Variants in ZKSCAN8 observed in about 807,000 individuals in gnomAD.
ZKSCAN8 encodes the protein zinc finger with KRAB and SCAN domains 8.
In ZKSCAN8, 27 loss-of-function variants were observed where a neutral mutation model predicts 57.2. That is an observed-to-expected ratio of 0.47 (90% CI 0.35 to 0.65). The LOEUF is 0.65. Ranked by LOEUF, ZKSCAN8 falls within the 30% of genes least tolerant of loss-of-function variation. The pLI is 0.01. For missense variants in ZKSCAN8, 597 were observed against 696.3 expected (o/e 0.86, Z 1.60); for synonymous variants, 214 against 248.7 (o/e 0.86, Z 1.31).
At position 28,149,468 on chromosome 6, in the gene ZKSCAN8, G is replaced by C. The variant is rs1194233355; in HGVS notation, c.418-15G>C. On this transcript the variant is annotated splice_polypyrimidine_tract_variant and intron_variant, in intron 2 of 5. Transcript: ENST00000330236. ...CAAAGGGATTCCTTATTATCCAACT[G>C]TCTGTTGTTTCCAGGTCTCAGCTCG... 1 of 1,613,028 alleles carries C rather than the reference G, an allele frequency of 6.2e-7. No homozygotes were observed. The highest frequency in any genetic ancestry group is 8.5e-7 in the Non-Finnish European group (1 of 1,179,640).
intron 1 of ZKSCAN8, among the ~76,000 whole-genome samples, chr6:28,145,633 G>A (rs1765369551): frequency 6.6e-6 from 1 of 152,148 alleles, no homozygotes; most frequent in Non-Finnish European, 1.5e-5. Context: ...AGTGTCGCCA[G>A]ACCCATGCTC....
chr6:28,149,515 C>G lies in ZKSCAN8; in HGVS notation c.450C>G (p.Leu150=), dbSNP rs1277732753. Residue 150 remains leucine, a synonymous_variant, in exon 3 of 6, where the codon CTC becomes CTG. Coordinates refer to ENST00000330236, the MANE Select transcript of ZKSCAN8 (RefSeq NM_006298.4). ...CTCGCGTACATGGACATAGGGTACT[C>G]TGGGAGGAGGTAGTACATTCAGCAT... The part of the protein sequence containing the change: ...VSARVHGHRV[L]WEEVVHSASA... 4 of 1,614,098 alleles carry G rather than the reference C, an allele frequency of 2.5e-6. No homozygotes were observed. The South Asian group carries it at 3.3e-5, about 13-fold the overall frequency.
In ZKSCAN8 at chr6:28,148,627, G is replaced by A. The variant is rs771696693; in HGVS notation, c.220G>A (p.Ala74Thr). The A allele has an allele frequency of 1.5e-5, 25 of 1,613,988 alleles. No homozygotes were observed. The highest frequency in any genetic ancestry group is 2.0e-5 in the Non-Finnish European group (24 of 1,180,018). Reference protein sequence around the residue: ...GPREALIQLRALCHQWLRPDL... With the variant: ...GPREALIQLRTLCHQWLRPDL... ...CCGAGAAGCTCTGATCCAACTACGG[G>A]CCCTTTGCCATCAGTGGCTGAGGCC... Residue 74 changes from alanine (A) to threonine (T), a missense_variant, in exon 2 of 6, where the codon GCC (alanine) becomes ACC (threonine). By Grantham distance (58) the Ala-to-Thr change is moderately conservative. Coordinates refer to ENST00000330236, the MANE Select transcript of ZKSCAN8 (RefSeq NM_006298.4).
chr6:28,153,575 G>C lies in ZKSCAN8; in HGVS notation c.1295G>C (p.Arg432Thr). The C allele has an allele frequency of 6.2e-7, 1 of 1,613,744 alleles. No homozygotes were observed. Among genetic ancestry groups the C allele is most frequent in the Non-Finnish European group, 8.5e-7 (1 of 1,179,954 alleles). The change falls in exon 6 of 6, where the codon AGA becomes ACA. Residue 432 changes from arginine to threonine, a missense_variant. By Grantham distance (71) the Arg-to-Thr change is moderately conservative (BLOSUM62 -1). Coordinates refer to ENST00000330236, the MANE Select transcript of ZKSCAN8 (RefSeq NM_006298.4). ...ILHQRIHSGE[R>T]PYECNECGKA... ...CACCAGAGAATCCACAGTGGAGAGA[G>C]ACCCTATGAATGTAATGAGTGTGGG... is the stretch of plus-strand genomic sequence containing the variant.
Position 28,153,242 on chromosome 6 carries a change from G to A in ZKSCAN8, c.962G>A (p.Arg321Gln), listed in dbSNP as rs777066140. The A allele has an allele frequency of 6.2e-6, 10 of 1,614,190 alleles. No homozygotes were observed. The highest frequency in any genetic ancestry group is 2.2e-5 in the East Asian group (1 of 44,888). ...CGGGGAAATCCCACACAAGAGAGAC[G>A]ACATAAATGTGATGAATGTGGGAAA... ...RQRGNPTQER[R>Q]HKCDECGKSF... The change falls in exon 6 of 6, where the codon CGA becomes CAA. Residue 321 changes from arginine (R) to glutamine (Q), a missense_variant. Transcript: ENST00000330236.
At position 28,158,610 on chromosome 6, in the gene ZKSCAN8, TTTTAA is replaced by T. The variant is rs1360578303; in HGVS notation, c.*4595_*4599del. On this transcript the variant is annotated 3_prime_UTR_variant, in exon 6 of 6. Coordinates refer to ENST00000330236, the MANE Select transcript of ZKSCAN8 (RefSeq NM_006298.4). ...TCCAAAAACTTGCTGTCAGTCCAGT[TTTTAA>T]TCAGTTTTCTCCTTGAGGCTTGATC... 3.3e-5 allele frequency: 5 copies of T among 152,178 alleles called. No homozygotes were observed. The highest frequency in any genetic ancestry group is 1.5e-5 in the Non-Finnish European group (1 of 68,040). 9.4% of individuals were successfully genotyped at this position (152,178 alleles called of 1,614,324 possible).
At chr6:28,148,919 A>T (rs757815050) in intron 2 of ZKSCAN8, 95 bp downstream of exon 2, 648 of 1,390,144 alleles carry the variant, frequency 4.7e-4, no homozygotes, top group Non-Finnish European at 6.1e-4. Context: ...GATGCTTAGC[A>T]TCAGTTTCTG....
At chr6:28,152,123 TC>T in intron 4 of ZKSCAN8, 137 bp from the exon 5 acceptor site, 1 of 1,411,262 alleles carries the variant, frequency 7.1e-7, no homozygotes, top group Non-Finnish European at 9.6e-7. Context: ...TTCCTCTTCT[TC>T]CTAGCTATTC....
In ZKSCAN8 at chr6:28,156,666, A is replaced by G. The variant is rs1226880511; in HGVS notation, c.*2649A>G. 6.5e-6 allele frequency: 1 copy of G among 153,842 alleles called. No individual in the cohort carries two copies. Among genetic ancestry groups the G allele is most frequent in the African/African-American group, 2.4e-5 (1 of 41,536 alleles). 9.5% of individuals were successfully genotyped at this position (153,842 alleles called of 1,614,324 possible). A position where few individuals can be genotyped will look rare whatever the true frequency, so the allele number is the denominator to read the frequency against. ...TGACATTTTGAGCTCTTAACTGTGA[A>G]TGGCATTCATTAAGCTCCTTTATCC... On this transcript the variant is annotated 3_prime_UTR_variant, in exon 6 of 6. Transcript: ENST00000330236.
intron 2 of ZKSCAN8, 36 bp downstream of exon 2, chr6:28,148,860 G>T: frequency 6.3e-7 from 1 of 1,576,634 alleles, no homozygotes. Flanking sequence ...ATGACTGTGG[G>T]AGTCCTGGAA....
At position 28,154,963 on chromosome 6, in the gene ZKSCAN8, C is replaced by G. The variant is rs1240565534; in HGVS notation, c.*946C>G. 2 of 152,628 alleles carry G rather than the reference C, an allele frequency of 1.3e-5. No homozygotes were observed. Among genetic ancestry groups the G allele is most frequent in the East Asian group, 3.9e-4 (2 of 5,194 alleles). 9.5% of individuals were successfully genotyped at this position (152,628 alleles called of 1,614,324 possible). ...ATGCTTTAGGAAGATAAAAACCTTA[C>G]AAAGAATGTATACTCATCTTTTTTG... On this transcript the variant is annotated 3_prime_UTR_variant, in exon 6 of 6. Coordinates refer to ENST00000330236, the MANE Select transcript of ZKSCAN8 (RefSeq NM_006298.4).
intron 1 of ZKSCAN8, among the ~76,000 whole-genome samples, chr6:28,143,496 C>T (rs879366606): frequency 6.6e-6 from 1 of 152,076 alleles, no homozygotes; most frequent in Admixed American, 6.6e-5. Context: ...TTTATAGCCT[C>T]CTGTACTGGT....
chr6:28,153,620 C>T lies in ZKSCAN8; in HGVS notation c.1340C>T (p.Ser447Leu). ...NECGKAFSHS[S>L]HLIGHQRIHT... ...TGTGGGAAAGCTTTCAGTCATAGCT[C>T]ACACCTCATTGGACATCAGAGAATC... Residue 447 changes from serine (S) to leucine (L), a missense_variant, in exon 6 of 6, where the codon TCA (serine) becomes TTA (leucine). By Grantham distance (145) the Ser-to-Leu change is moderately radical. Coordinates refer to ENST00000330236, the MANE Select transcript of ZKSCAN8 (RefSeq NM_006298.4). The T allele has an allele frequency of 1.9e-6, 3 of 1,614,030 alleles. No homozygotes were observed. The South Asian group carries it at 3.3e-5, about 18-fold the overall frequency.
Position 28,153,425 on chromosome 6 carries a change from A to C in ZKSCAN8, c.1145A>C (p.Glu382Ala), listed in dbSNP as rs753865572. Reference sequence around the variant, plus strand: ...AAAGTAAAACGCTATCACTGTAAGGAGTGTGGCAAAGCCTTCAGTCAGAAC... The same window carrying C: ...AAAGTAAAACGCTATCACTGTAAGGCGTGTGGCAAAGCCTTCAGTCAGAAC... ...HNKVKRYHCK[E>A]CGKAFSQNTG... The change falls in exon 6 of 6, where the codon GAG becomes GCG. Residue 382 changes from glutamate (E) to alanine (A), a missense_variant. Coordinates refer to ENST00000330236, the MANE Select transcript of ZKSCAN8 (RefSeq NM_006298.4). 6.2e-7 allele frequency: 1 copy of C among 1,614,098 alleles called. No homozygotes were observed. Among genetic ancestry groups the C allele is most frequent in the Non-Finnish European group, 8.5e-7 (1 of 1,180,048 alleles).
chr6:28,145,729 G>A (rs1765371834), intron 1 of ZKSCAN8, among the ~76,000 whole-genome samples: 1 of 152,154 alleles, frequency 6.6e-6, no homozygotes, highest in Non-Finnish European at 1.5e-5. Flanking sequence ...TAGTCACTTA[G>A]CTCTCATTCA....
chr6:28,152,421 T>A (rs1765621267), intron 5 of ZKSCAN8, 37 bp downstream of exon 5: 4 of 1,568,650 alleles, frequency 2.5e-6, no homozygotes, highest in South Asian at 2.4e-5. Flanking sequence ...CATTTTAGAT[T>A]TTTTGTTTGT....
Position 28,152,079 on chromosome 6 carries a change from G to C in ZKSCAN8, c.651+143G>C, listed in dbSNP as rs1303074489. ...AAATTCTTTTGCCTAGGGACAGATT[G>C]ATCCTGAATTTCCCCCAGTAAATCT... On this transcript the variant is annotated intron_variant, in intron 4 of 5. Transcript: ENST00000330236. 6.6e-6 allele frequency: 9 copies of C among 1,362,092 alleles called. No individual in the cohort carries two copies. The South Asian group carries it at 8.4e-5, about 13-fold the overall frequency. The allele number at this position is 1,362,092 out of a possible 1,614,324, so 84.4% of individuals were successfully genotyped here. A position where few individuals can be genotyped will look rare whatever the true frequency, so the allele number is the denominator to read the frequency against.
intron 1 of ZKSCAN8, among the ~76,000 whole-genome samples, chr6:28,143,336 A>C (rs2791333): frequency 1.3e-5 from 2 of 152,010 alleles, no homozygotes; most frequent in African/African-American, 4.8e-5. Context: ...AATCAAGATG[A>C]GCAATGGGCA....
intron 1 of ZKSCAN8, among the ~76,000 whole-genome samples, chr6:28,145,020 G>A (rs1765346232): frequency 6.6e-6 from 1 of 152,108 alleles, no homozygotes; most frequent in Non-Finnish European, 1.5e-5. Context: ...TCGCGCCACT[G>A]CACTCCAGCC....
Sources: allele counts gnomAD v4.1 joint callset (sites outside exome capture counted in the v4.1 genomes callset), GRCh38; gene constraint gnomAD v4.1.1; transcripts MANE v1.5; gene names NCBI Gene and HGNC (gene_info 2026-07-23, HGNC 2026-07-21).